The following P4HB variants were observed in gnomAD, a reference collection of about 807,000 sequenced individuals.
P4HB encodes the protein prolyl 4-hydroxylase subunit beta.
A neutral mutation model predicts 52.6 loss-of-function variants in P4HB; 20 were observed. That is an observed-to-expected ratio of 0.38 (90% CI 0.27 to 0.55). The LOEUF is 0.55. P4HB is among the 20% of genes least tolerant of loss of function. The pLI, the probability that P4HB is intolerant of heterozygous loss-of-function variation, is 0.74. For missense variants in P4HB, 601 were observed against 669.2 expected, an observed-to-expected ratio of 0.90 and a Z score of 1.12; for synonymous variants, 296 against 277.9, an observed-to-expected ratio of 1.07 and a Z score of -0.65.
At chr17:81,859,970 AGCT>A (rs2143374174) in intron 1 of P4HB, 1 of 208,778 alleles carries the variant, frequency 4.8e-6, no homozygotes, top group East Asian at 1.1e-4. Flanking sequence ...TGCTGTGGCA[AGCT>A]GAAGGTGGGG....
Position 81,846,048 on chromosome 17 carries a change from C to G in P4HB, c.1057-57G>C. 2 of 1,521,270 alleles carry G rather than the reference C, an allele frequency of 1.3e-6. No homozygotes were observed. Among genetic ancestry groups the G allele is most frequent in the South Asian group, 2.5e-5 (2 of 81,520 alleles). The allele number at this position is 1,521,270 out of a possible 1,614,324, so 94.2% of individuals were successfully genotyped here. A position where few individuals can be genotyped will look rare whatever the true frequency, so the allele number is the denominator to read the frequency against. On this transcript the variant is annotated intron_variant, in intron 7 of 10. Coordinates refer to ENST00000331483, the MANE Select transcript of P4HB (RefSeq NM_000918.4). The surrounding 1 kb of genome is among the most constrained non-coding windows in gnomAD (Gnocchi z 5.7). ...GCGATGCCTGGGGGACCACAGAGCT[C>G]CCCAACCCTCACCCTGCCCGGGACT...
chr17:81,845,944 A>G lies in P4HB; in HGVS notation c.1104T>C (p.Pro368=), dbSNP rs1422879065. 1.2e-6 allele frequency: 2 copies of G among 1,613,100 alleles called. No individual in the cohort carries two copies. Among genetic ancestry groups the G allele is most frequent in the Non-Finnish European group, 8.5e-7 (1 of 1,179,690 alleles). The change falls in exon 8 of 11, where the codon CCT becomes CCC. Residue 368 remains proline (P), a synonymous_variant. Transcript: ENST00000331483. ...AGTTCTTCCCAACAAGCACCTTGAC[A>G]GGCTGCTTGTCCCAGTCCTCCGGCA... ...QELPEDWDKQ[P]VKVLVGKNFE... is the part of the protein sequence containing the mutation.
At position 81,846,860 on chromosome 17, in the gene P4HB, C is replaced by G; in HGVS notation, c.855+87G>C. On this transcript the variant is annotated intron_variant, in intron 6 of 10. Transcript: ENST00000331483. The surrounding 1 kb of genome is among the most constrained non-coding windows in gnomAD (Gnocchi z 5.7). Reference sequence around the variant, plus strand: ...TGCCCGATCCAGTCCAGCAGGCAGCCTCAGGAAGGCCCCACACTTGTCACC... The same window carrying G: ...TGCCCGATCCAGTCCAGCAGGCAGCGTCAGGAAGGCCCCACACTTGTCACC... The G allele has an allele frequency of 6.5e-7, 1 of 1,533,700 alleles. No homozygotes were observed. The highest frequency in any genetic ancestry group is 8.9e-7 in the Non-Finnish European group (1 of 1,117,454).
At chr17:81,853,827 G>C (rs900058007) in intron 4 of P4HB, among the ~76,000 whole-genome samples, 4 of 152,150 alleles carry the variant, frequency 2.6e-5, no homozygotes, top group Admixed American at 1.3e-4. Flanking sequence ...CCCTGGCTCT[G>C]AGCGGCACAA....
In P4HB at chr17:81,845,953, G is replaced by A; in HGVS notation, c.1095C>T (p.Asp365=). Residue 365 remains aspartate (D), a synonymous_variant, in exon 8 of 11, where the codon GAC becomes GAT. Coordinates refer to ENST00000331483, the MANE Select transcript of P4HB (RefSeq NM_000918.4). The stretch of plus-strand genomic sequence containing the variant: ...CAACAAGCACCTTGACAGGCTGCTT[G>A]TCCCAGTCCTCCGGCAGCTCCTGGC... ...LMSQELPEDW[D]KQPVKVLVGK... is the part of the protein sequence containing the mutation. The A allele has an allele frequency of 1.2e-6, 2 of 1,612,946 alleles. No homozygotes were observed. The highest frequency in any genetic ancestry group is 2.2e-5 in the East Asian group (1 of 44,844).
intron 4 of P4HB, among the ~76,000 whole-genome samples, chr17:81,853,464 C>T (rs2143345644): frequency 6.6e-6 from 1 of 151,970 alleles, no homozygotes; most frequent in East Asian, 1.9e-4. Context: ...GTCCCAGCTA[C>T]TCGGGAGGCT....
Position 81,859,402 on chromosome 17 carries a change from G to T in P4HB, c.146-15C>A. 2 of 1,609,136 alleles carry T rather than the reference G, an allele frequency of 1.2e-6. No homozygotes were observed. Among genetic ancestry groups the T allele is most frequent in the Non-Finnish European group, 1.7e-6 (2 of 1,176,302 alleles). ...CCAAGGGGCATCTGGAAGCGGAAAT[G>T]AGATGCTAGAAAGCAGCCTTGATCC... On this transcript the variant is annotated splice_polypyrimidine_tract_variant and intron_variant, in intron 1 of 10. Coordinates refer to ENST00000331483, the MANE Select transcript of P4HB (RefSeq NM_000918.4).
intron 4 of P4HB, among the ~76,000 whole-genome samples, chr17:81,848,471 C>T (rs1372999943): frequency 6.6e-6 from 1 of 152,178 alleles, no homozygotes; most frequent in Non-Finnish European, 1.5e-5. Context: ...TACAGTGGCT[C>T]AGGCCTGTAA....
intron 2 of P4HB, 144 bp downstream of exon 2, chr17:81,859,037 A>G (rs2038957485): frequency 2.9e-6 from 2 of 682,128 alleles, no homozygotes; most frequent in African/African-American, 1.8e-5. Context: ...GCACAAGTGG[A>G]CAGAGAACCC....
rs759611240 is a variant in P4HB, at chr17:81,856,169, C to CT, written c.353-584dup. On this transcript the variant is annotated intron_variant, in intron 2 of 10. Transcript: ENST00000331483. ...CAGGCATGAGCCACCAATCCCAGCC[C>CT]TTTTTTTTTTCTTGGAAGACAGGGT... 8.8e-3 allele frequency among the ~76,000 whole-genome samples: 1,303 copies of CT among 147,754 alleles called. 5 individuals carry two copies. Among genetic ancestry groups the CT allele is most frequent in the Non-Finnish European group, 0.011 (736 of 66,534 alleles).
chr17:81,847,561 C>T, intron 4 of P4HB: 1 of 588,158 alleles, frequency 1.7e-6, no homozygotes, highest in Non-Finnish European at 3.1e-6. Context: ...GTGAATTCAA[C>T]AGCTGGCTTC....
chr17:81,860,149 G>GCCCGGCTCTCAC, intron 1 of P4HB, 178 bp downstream of exon 1: 1 of 473,822 alleles, frequency 2.1e-6, no homozygotes, highest in Non-Finnish European at 3.5e-6. Context: ...CCGGCTCCCA[G>GCCCGGCTCTCAC]CCCGGCTCTC....
At chr17:81,852,149 C>T (rs111308130) in intron 4 of P4HB, among the ~76,000 whole-genome samples, 4 of 152,226 alleles carry the variant, frequency 2.6e-5, no homozygotes, top group Non-Finnish European at 5.9e-5. Context: ...TGCCACCGCA[C>T]TCCAGCCTGG....
rs1309280616 is a variant in P4HB, at chr17:81,855,240, C to T, written c.526G>A (p.Ala176Thr). Residue 176 changes from alanine to threonine, a missense_variant, in exon 4 of 11, where the codon GCA becomes ACA. By Grantham distance (58) the Ala-to-Thr change is moderately conservative. Coordinates refer to ENST00000331483, the MANE Select transcript of P4HB (RefSeq NM_000918.4). The surrounding 1 kb of genome is among the most constrained non-coding windows in gnomAD (Gnocchi z 4.3). ...SDSAKQFLQA[A>T]EAIDDIPFGI... The stretch of plus-strand genomic sequence containing the variant: ...AATGGTATGTCATCGATGGCCTCTG[C>T]TGCCTGCAAAAACTGCTTGGCAGAG... 6.2e-7 allele frequency: 1 copy of T among 1,613,854 alleles called. No homozygotes were observed. Among genetic ancestry groups the T allele is most frequent in the African/African-American group, 1.3e-5 (1 of 74,892 alleles).
At chr17:81,849,403 G>C (rs1216098483) in intron 4 of P4HB, among the ~76,000 whole-genome samples, 1 of 152,118 alleles carries the variant, frequency 6.6e-6, no homozygotes, top group Non-Finnish European at 1.5e-5. Flanking sequence ...GGCTGAGGCA[G>C]GAGAATCGCT....
In P4HB at chr17:81,855,331, G is replaced by T; in HGVS notation, c.487-52C>A. On this transcript the variant is annotated intron_variant, in intron 3 of 10. Coordinates refer to ENST00000331483, the MANE Select transcript of P4HB (RefSeq NM_000918.4). The surrounding 1 kb of genome is among the most constrained non-coding windows in gnomAD (Gnocchi z 4.3). ...CGTCATGATCCCGCAGCACCAAGCA[G>T]TAGGGCAGACCCTGTAGAGCCCAGG... 6.2e-7 allele frequency: 1 copy of T among 1,611,958 alleles called. No individual in the cohort carries two copies. Among genetic ancestry groups the T allele is most frequent in the Non-Finnish European group, 8.5e-7 (1 of 1,178,820 alleles).
At chr17:81,847,190 C>T (rs916849637) in intron 5 of P4HB, 53 bp downstream of exon 5, 9 of 1,601,364 alleles carry the variant, frequency 5.6e-6, no homozygotes, top group Admixed American at 5.0e-5. Context: ...CCTCATGCCA[C>T]CCCCAACCCA....
Sources: allele counts gnomAD v4.1 joint callset (sites outside exome capture counted in the v4.1 genomes callset), GRCh38; gene constraint gnomAD v4.1.1; non-coding constraint Gnocchi (gnomAD v3.1); transcripts MANE v1.5; gene names NCBI Gene and HGNC (gene_info 2026-07-23, HGNC 2026-07-21).